Variants in KATNIP observed in about 807,000 individuals in gnomAD.
KATNIP encodes the protein katanin-interacting protein.
A neutral mutation model predicts 174.0 loss-of-function variants in KATNIP; 126 were observed. That is an observed-to-expected ratio of 0.72 (90% confidence interval 0.63 to 0.84). The LOEUF is 0.84. KATNIP is among the 40% of genes least tolerant of loss of function. The pLI, the probability that KATNIP is intolerant of heterozygous loss-of-function variation, is 0.00. For synonymous variants in KATNIP, 810 were observed against 835.7 expected, an observed-to-expected ratio of 0.97 and a Z score of 0.53; for missense variants, 1,958 against 2,109.7, an observed-to-expected ratio of 0.93 and a Z score of 1.41.
intron 1 of KATNIP, 134 bp downstream of exon 1, chr16:27,550,311 G>A: frequency 1.0e-6 from 1 of 994,586 alleles, no homozygotes; most frequent in Non-Finnish European, 1.5e-6. Context: ...CCGAAATGAG[G>A]GATAGGGAGG....
Position 27,740,749 on chromosome 16 carries a change from C to T in KATNIP, c.2452C>T (p.Arg818Trp), listed in dbSNP as rs767288208. Residue 818 changes from arginine (R) to tryptophan (W), a missense_variant, in exon 15 of 28, where the codon CGG (arginine) becomes TGG (tryptophan). Transcript: ENST00000261588. ...GCATGAGCCAGGGTGGGGGACCAGC[C>T]GGAGTGTCAACACCAAGGAGAGACC... Reference protein sequence around the residue: ...LRHEPGWGTSRSVNTKERPQR... With the variant: ...LRHEPGWGTSWSVNTKERPQR... 43 of 1,614,058 alleles carry T rather than the reference C, an allele frequency of 2.7e-5. No individual in the cohort carries two copies. Among genetic ancestry groups the T allele is most frequent in the Middle Eastern group, 1.6e-4 (1 of 6,084 alleles).
intron 2 of KATNIP, among the ~76,000 whole-genome samples, chr16:27,587,299 C>T (rs962571488): frequency 1.3e-5 from 2 of 152,142 alleles, no homozygotes; most frequent in Non-Finnish European, 2.9e-5. Context: ...AGATCCTGTC[C>T]ACACCGTGTT....
At chr16:27,677,148 A>G (rs1478864333) in intron 6 of KATNIP, among the ~76,000 whole-genome samples, 1 of 152,224 alleles carries the variant, frequency 6.6e-6, no homozygotes, top group African/African-American at 2.4e-5. Context: ...AAGCAGTTGT[A>G]GTTAAGTGCT....
At chr16:27,660,065 A>G in intron 6 of KATNIP, 1 of 942,196 alleles carries the variant, frequency 1.1e-6, no homozygotes, top group Non-Finnish European at 1.3e-6. Flanking sequence ...CAAGTGACAG[A>G]TTCCGCAAGC....
intron 6 of KATNIP, among the ~76,000 whole-genome samples, chr16:27,669,017 A>G (rs1293783712): frequency 1.3e-5 from 2 of 152,164 alleles, no homozygotes; most frequent in Non-Finnish European, 2.9e-5. Context: ...AAAAAGAAAA[A>G]GAAAAAGAAA....
intron 5 of KATNIP, 82 bp downstream of exon 5, chr16:27,631,244 T>A: frequency 8.9e-7 from 1 of 1,126,286 alleles, no homozygotes; most frequent in Non-Finnish European, 1.3e-6. Flanking sequence ...TCAGAGCATT[T>A]AAAACCCCCA....
chr16:27,590,536 C>T (rs187578461), intron 2 of KATNIP, among the ~76,000 whole-genome samples: 5 of 152,182 alleles, frequency 3.3e-5, no homozygotes, highest in East Asian at 1.9e-4. Context: ...GAACTTGCTG[C>T]GAGAAGTAAG....
intron 5 of KATNIP, among the ~76,000 whole-genome samples, chr16:27,647,222 G>T (rs1189720811): frequency 2.6e-5 from 4 of 152,212 alleles, no homozygotes; most frequent in Non-Finnish European, 5.9e-5. Context: ...AGAGGCCCCA[G>T]TCCAGAGTGT....
At chr16:27,708,574 C>T in intron 12 of KATNIP, 131 bp from the exon 13 acceptor site, 1 of 638,092 alleles carries the variant, frequency 1.6e-6, no homozygotes, top group South Asian at 2.0e-5. Context: ...TATTCTTATC[C>T]TCATTGTACA....
intron 5 of KATNIP, among the ~76,000 whole-genome samples, chr16:27,641,102 C>T (rs375040129): frequency 2.0e-5 from 3 of 151,182 alleles, no homozygotes; most frequent in African/African-American, 4.9e-5. Context: ...CGCGCCATTG[C>T]ACTCCAGCCT....
At chr16:27,584,021 A>G (rs2090794558) in intron 2 of KATNIP, among the ~76,000 whole-genome samples, 1 of 152,154 alleles carries the variant, frequency 6.6e-6, no homozygotes, top group African/African-American at 2.4e-5. Flanking sequence ...TCACTCACCC[A>G]AGCAGCTCAG....
At chr16:27,746,540 G>A (rs1191152574) in intron 15 of KATNIP, among the ~76,000 whole-genome samples, 2 of 152,222 alleles carry the variant, frequency 1.3e-5, no homozygotes, top group African/African-American at 4.8e-5. Context: ...GCACAATTGT[G>A]GTGCCAGTGT....
Position 27,740,154 on chromosome 16 carries a change from T to A in KATNIP, c.1857T>A (p.Val619=). The A allele has an allele frequency of 6.2e-7, 1 of 1,614,156 alleles. No homozygotes were observed. ...REAPADHSIL[V]DQKNEKSEQL... is the part of the protein sequence containing the mutation. ...CCCCAGCTGACCACAGCATCCTGGT[T>A]GACCAGAAGAACGAGAAGAGCGAGC... The change falls in exon 15 of 28, where the codon GTT becomes GTA. Residue 619 remains valine (V), a synonymous_variant. Transcript: ENST00000261588.
chr16:27,653,689 C>T (rs556454494), intron 6 of KATNIP, among the ~76,000 whole-genome samples: 50 of 150,524 alleles, frequency 3.3e-4, no homozygotes, highest in Non-Finnish European at 5.8e-4. Context: ...GACAAAGTCT[C>T]GCTCTGCCAC....
At chr16:27,641,112 T>C (rs996180476) in intron 5 of KATNIP, among the ~76,000 whole-genome samples, 1 of 148,470 alleles carries the variant, frequency 6.7e-6, no homozygotes, top group African/African-American at 2.5e-5. Flanking sequence ...CACTCCAGCC[T>C]GGGCGACAGA....
chr16:27,703,374 A>C (rs2079175840), intron 11 of KATNIP, among the ~76,000 whole-genome samples: 1 of 152,196 alleles, frequency 6.6e-6, no homozygotes, highest in Non-Finnish European at 1.5e-5. Flanking sequence ...TGCTGGGTTT[A>C]GAATGCCATG....
chr16:27,567,725 T>C (rs1260889355), intron 1 of KATNIP, among the ~76,000 whole-genome samples: 1 of 152,124 alleles, frequency 6.6e-6, no homozygotes, highest in East Asian at 1.9e-4. Flanking sequence ...GGTTTCACCA[T>C]GTTGGTTGGC....
At chr16:27,573,065 C>T (rs955132096) in intron 1 of KATNIP, among the ~76,000 whole-genome samples, 1 of 152,214 alleles carries the variant, frequency 6.6e-6, no homozygotes, top group Non-Finnish European at 1.5e-5. Context: ...TTGCTTTCCT[C>T]TTGCTAAGCT....
chr16:27,585,275 C>A (rs945829104), intron 2 of KATNIP, among the ~76,000 whole-genome samples: 1 of 148,526 alleles, frequency 6.7e-6, no homozygotes, highest in African/African-American at 2.6e-5. Flanking sequence ...AAAAGACAGG[C>A]AAAAACAAAT....
Sources: gnomAD v4.1 joint callset for allele counts (sites outside exome capture counted in the v4.1 genomes callset) on GRCh38, gnomAD v4.1.1 for gene constraint, MANE v1.5 for transcripts, NCBI Gene and HGNC (gene_info 2026-07-23, HGNC 2026-07-21) for gene names.